The following EIF2AK1 variants were observed in gnomAD, a reference collection of about 807,000 sequenced individuals.
EIF2AK1 encodes the protein eukaryotic translation initiation factor 2-alpha kinase 1.
In EIF2AK1, 54 loss-of-function variants were observed where a neutral mutation model predicts 77.9. That is an observed-to-expected ratio of 0.69 (90% confidence interval 0.56 to 0.87). The LOEUF is 0.87. Among genes scored for constraint, EIF2AK1 ranks in the 40% least tolerant of loss-of-function variants. The pLI is 0.00. For synonymous variants in EIF2AK1, 314 were observed against 290.5 expected (o/e 1.08, Z -0.82); for missense variants, 810 against 768.6 (o/e 1.05, Z -0.64).
chr7:6,029,415 C>T (rs548623263), intron 11 of EIF2AK1, among the ~76,000 whole-genome samples: 39 of 151,916 alleles, frequency 2.6e-4, no homozygotes, highest in Middle Eastern at 6.9e-3. Context: ...ATGGCTTGAA[C>T]CCAGGAGTCA....
At chr7:6,058,853 G>A (rs1179458071) in intron 1 of EIF2AK1, 113 bp downstream of exon 1, 9 of 954,178 alleles carry the variant, frequency 9.4e-6, no homozygotes, top group Non-Finnish European at 1.3e-5. Context: ...TTCAACCCTG[G>A]AGGCAGCCAA....
rs1431281043 is a variant in EIF2AK1 at position 6,040,998 on chromosome 7, A to G, written c.1013T>C (p.Ile338Thr). ...NGLAGLSASS[I>T]VEQQLPLRRN... ...CCTGAGTGGCAGCTGCTGTTCCACA[A>G]TTGAACTGGCAGACAAACCAGCCAA... The change falls in exon 9 of 15, where the codon ATT (isoleucine) becomes ACT (threonine). Residue 338 changes from isoleucine (I) to threonine (T), a missense_variant. Transcript: ENST00000199389. 5 of 1,614,080 alleles carry G rather than the reference A, an allele frequency of 3.1e-6. No individual in the cohort carries two copies. Among genetic ancestry groups the G allele is most frequent in the Middle Eastern group, 3.3e-4 (2 of 6,084 alleles).
At chr7:6,042,851 G>A in intron 8 of EIF2AK1, 82 bp downstream of exon 8, 2 of 1,218,012 alleles carry the variant, frequency 1.6e-6, no homozygotes, top group South Asian at 1.3e-5. Context: ...GGGTGACAGA[G>A]CGAGACTCTG....
chr7:6,023,625 G>T lies in EIF2AK1; in HGVS notation c.*1048C>A. 3 of 1,614,184 alleles carry T rather than the reference G, an allele frequency of 1.9e-6. No homozygotes were observed. Among genetic ancestry groups the T allele is most frequent in the Non-Finnish European group, 2.5e-6 (3 of 1,180,014 alleles). On this transcript the variant is annotated 3_prime_UTR_variant, in exon 15 of 15. Transcript: ENST00000199389. ...GCAGTGTGACAGTGCCAGCCAATGT[G>T]CAGAGGTGGATGAGGTCTTGTGAAA...
Position 6,023,365 on chromosome 7 carries a change from A to G in EIF2AK1, c.*1308T>C. Reference sequence around the variant, plus strand: ...GTGCCCCATCGAAGGCGAAGGGAACATTGCACGTTTCTTGTTCTCTCTGTT... The same window carrying G: ...GTGCCCCATCGAAGGCGAAGGGAACGTTGCACGTTTCTTGTTCTCTCTGTT... On this transcript the variant is annotated 3_prime_UTR_variant, in exon 15 of 15. Transcript: ENST00000199389. 1.9e-6 allele frequency: 3 copies of G among 1,613,904 alleles called. No individual in the cohort carries two copies. In the East Asian group the frequency reaches 6.7e-5, roughly 36 times the overall value.
Position 6,035,468 on chromosome 7 carries a change from CAACTT to C in EIF2AK1, c.1332+1951_1332+1955del, listed in dbSNP as rs1251113840. On this transcript the variant is annotated intron_variant, in intron 11 of 14. Coordinates refer to ENST00000199389, the MANE Select transcript of EIF2AK1 (RefSeq NM_014413.4). This position sits in a 1 kb window ranked among gnomAD's most constrained non-coding sequence, Gnocchi z 5.5. ...GGGACACGACAGGCCTCACCACACTCAACTTAATGCTACTGCACTGGCCAGTCACT... is the reference window on the plus strand; with the variant it reads ...GGGACACGACAGGCCTCACCACACTCAATGCTACTGCACTGGCCAGTCACT... 3.9e-6 allele frequency: 6 copies of C among 1,550,634 alleles called. No homozygotes were observed. Among genetic ancestry groups the C allele is most frequent in the African/African-American group, 2.7e-5 (2 of 73,056 alleles).
chr7:6,023,644 T>C lies in EIF2AK1; in HGVS notation c.*1029A>G. The stretch of plus-strand genomic sequence containing the variant: ...CAATGTGCAGAGGTGGATGAGGTCT[T>C]GTGAAAACCTGGCTCCTTTTAACAC... On this transcript the variant is annotated 3_prime_UTR_variant, in exon 15 of 15. Transcript: ENST00000199389. 1.9e-6 allele frequency: 3 copies of C among 1,614,142 alleles called. No homozygotes were observed. The highest frequency in any genetic ancestry group is 2.2e-5 in the East Asian group (1 of 44,880).
Position 6,054,636 on chromosome 7 carries a change from C to T in EIF2AK1, c.187G>A (p.Val63Ile). 1 of 1,614,190 alleles carries T rather than the reference C, an allele frequency of 6.2e-7. No homozygotes were observed. Among genetic ancestry groups the T allele is most frequent in the Non-Finnish European group, 8.5e-7 (1 of 1,180,052 alleles). Residue 63 changes from valine (V) to isoleucine (I), a missense_variant, in exon 2 of 15, where the codon GTT becomes ATT. Physicochemically the swap from Val to Ile is conservative, Grantham distance 29 (BLOSUM62 3). Transcript: ENST00000199389. ...GAAACCAGCAAGAGTTGGTTTGCAA[C>T]TGCAAAAGGGAAGGTTGGCTGTTGT... is the stretch of plus-strand genomic sequence containing the variant. The part of the protein sequence containing the change: ...PLQQPTFPFA[V>I]ANQLLLVSLL...
In EIF2AK1 at chr7:6,035,374, G is replaced by T; in HGVS notation, c.1332+2050C>A. Reference sequence around the variant, plus strand: ...CTTTAAATAAATACTGGCTTCTTAAGCATTAACTGTCCACGTAGAGCCGTT... The same window carrying T: ...CTTTAAATAAATACTGGCTTCTTAATCATTAACTGTCCACGTAGAGCCGTT... On this transcript the variant is annotated intron_variant, in intron 11 of 14. Transcript: ENST00000199389. This position sits in a 1 kb window ranked among gnomAD's most constrained non-coding sequence, Gnocchi z 5.5. 7.3e-7 allele frequency: 1 copy of T among 1,365,872 alleles called. No homozygotes were observed. The highest frequency in any genetic ancestry group is 2.5e-5 in the East Asian group (1 of 39,620). The allele number at this position is 1,365,872 out of a possible 1,614,324, so 84.6% of individuals were successfully genotyped here. A position where few individuals can be genotyped will look rare whatever the true frequency, so the allele number is the denominator to read the frequency against.
Position 6,036,225 on chromosome 7 carries a change from C to G in EIF2AK1, c.1332+1199G>C, listed in dbSNP as rs1788086950. 3 of 1,550,016 alleles carry G rather than the reference C, an allele frequency of 1.9e-6. No individual in the cohort carries two copies. The African/African-American group carries it at 4.1e-5, about 21-fold the overall frequency. On this transcript the variant is annotated intron_variant, in intron 11 of 14. Coordinates refer to ENST00000199389, the MANE Select transcript of EIF2AK1 (RefSeq NM_014413.4). The surrounding 1 kb of genome is among the most constrained non-coding windows in gnomAD (Gnocchi z 4.6). ...AGAATTCCGCCTCTTAAGGGACACC[C>G]TAATAAAGCAATCGCAAAAACCTTT...
intron 1 of EIF2AK1, chr7:6,058,096 C>T (rs1433277475): frequency 2.2e-6 from 1 of 455,418 alleles, no homozygotes; most frequent in East Asian, 6.9e-5. Flanking sequence ...CCCCGTATCT[C>T]CTAGTAAACA....
chr7:6,025,397 T>TG (rs1787713386), intron 14 of EIF2AK1, among the ~76,000 whole-genome samples: 1 of 151,298 alleles, frequency 6.6e-6, no homozygotes, highest in South Asian at 2.1e-4. Context: ...CCTGACCTCA[T>TG]GATCCGCCTG....
chr7:6,030,169 G>A (rs934717480), intron 11 of EIF2AK1, among the ~76,000 whole-genome samples: 1 of 152,154 alleles, frequency 6.6e-6, no homozygotes, highest in African/African-American at 2.4e-5. Flanking sequence ...GGATGTAGAG[G>A]AGTCAGCCCA....
At chr7:6,058,848 C>A in intron 1 of EIF2AK1, 118 bp downstream of exon 1, 1 of 915,742 alleles carries the variant, frequency 1.1e-6, no homozygotes, top group South Asian at 1.9e-5. Context: ...GCCGGTTCAA[C>A]CCTGGAGGCA....
intron 8 of EIF2AK1, among the ~76,000 whole-genome samples, chr7:6,042,233 C>G (rs1187734793): frequency 6.7e-6 from 1 of 150,166 alleles, no homozygotes; most frequent in Non-Finnish European, 1.5e-5. Flanking sequence ...GGCAGATCAC[C>G]TGAGTTCAGG....
Position 6,024,328 on chromosome 7 carries a change from CG to C in EIF2AK1, c.*344del. 1 of 1,219,564 alleles carries C rather than the reference CG, an allele frequency of 8.2e-7. No individual in the cohort carries two copies. Among genetic ancestry groups the C allele is most frequent in the Non-Finnish European group, 1.0e-6 (1 of 964,300 alleles). 75.5% of individuals were successfully genotyped at this position (1,219,564 alleles called of 1,614,324 possible). A position where few individuals can be genotyped will look rare whatever the true frequency, so the allele number is the denominator to read the frequency against. ...ACAGTCCAGTGAGTATGTGCAGGCC[CG>C]GGCTTGGGCAGTGACGAGGGCAGGG... is the stretch of plus-strand genomic sequence containing the variant. On this transcript the variant is annotated 3_prime_UTR_variant, in exon 15 of 15. Transcript: ENST00000199389.
chr7:6,039,942 A>G (rs1360557099), intron 9 of EIF2AK1, among the ~76,000 whole-genome samples: 1 of 152,162 alleles, frequency 6.6e-6, no homozygotes, highest in Non-Finnish European at 1.5e-5. Flanking sequence ...TGTCTCAAGA[A>G]AAAAAACACA....
chr7:6,043,615 G>C (rs952764239), intron 7 of EIF2AK1, among the ~76,000 whole-genome samples: 3 of 151,402 alleles, frequency 2.0e-5, no homozygotes, highest in Non-Finnish European at 4.4e-5. Context: ...TTTTATTAGA[G>C]ATGGGGTTTC....
Position 6,031,253 on chromosome 7 carries a change from A to G in EIF2AK1, c.1333-2221T>C. 3.2e-6 allele frequency: 3 copies of G among 943,886 alleles called. No homozygotes were observed. In the South Asian group the frequency reaches 5.1e-5, roughly 16 times the overall value. 58.5% of individuals were successfully genotyped at this position (943,886 alleles called of 1,614,324 possible). A position where few individuals can be genotyped will look rare whatever the true frequency, so the allele number is the denominator to read the frequency against. ...GGTTCCAAACTGATGGATTGCCTTCACAGATCCAATTCTCGACAAATTCTA... is the reference window on the plus strand; with the variant it reads ...GGTTCCAAACTGATGGATTGCCTTCGCAGATCCAATTCTCGACAAATTCTA... On this transcript the variant is annotated intron_variant, in intron 11 of 14. Coordinates refer to ENST00000199389, the MANE Select transcript of EIF2AK1 (RefSeq NM_014413.4).
Sources: gnomAD v4.1 joint callset for allele counts (sites outside exome capture counted in the v4.1 genomes callset) on GRCh38, gnomAD v4.1.1 for gene constraint, Gnocchi (gnomAD v3.1) non-coding constraint, MANE v1.5 for transcripts, NCBI Gene and HGNC (gene_info 2026-07-23, HGNC 2026-07-21) for gene names.